Variants in P3H2 observed in about 807,000 individuals in gnomAD.
The protein encoded by P3H2 is leprecan-like 1.
In P3H2, 80 loss-of-function variants were observed where a neutral mutation model predicts 87.0. The observed-to-expected ratio is 0.92, with a 90% CI of 0.77 to 1.11. The LOEUF (loss-of-function observed/expected upper bound fraction) is 1.11, where lower values mean the gene tolerates loss of function less well. Ranked by LOEUF, P3H2 falls within the 50% of genes least tolerant of loss-of-function variation. The probability of loss-of-function intolerance (pLI) is 0.00; values close to 1 mark genes in which losing one functional copy is unlikely to be tolerated. For missense variants in P3H2, 1,001 were observed against 923.9 expected, an observed-to-expected ratio of 1.08 and a Z score of -1.08; for synonymous variants, 367 against 359.3, an observed-to-expected ratio of 1.02 and a Z score of -0.24.
chr3:189,969,560 T>C, intron 13 of P3H2: 1 of 1,278,276 alleles, frequency 7.8e-7, no homozygotes, highest in Non-Finnish European at 1.1e-6. Flanking sequence ...AGGTTGAATC[T>C]CCTCCCTCAA....
rs115093274 is a variant in P3H2, at chr3:190,046,384, T to C, written c.481-50942A>G. On this transcript the variant is annotated intron_variant, in intron 1 of 14. Transcript: ENST00000319332. ...ATAATCCCTTTATTTCTGTGACCCA[T>C]ACAATATGGTTTCAATTACGTGGAA... is the stretch of plus-strand genomic sequence containing the variant. Among the ~76,000 whole-genome samples the C allele has an allele frequency of 5.5e-3, 842 of 152,284 alleles. 10 individuals are homozygous for C. The highest frequency in any genetic ancestry group is 0.019 in the African/African-American group (794 of 41,550).
chr3:190,118,501 A>T (rs1712382183), intron 1 of P3H2, among the ~76,000 whole-genome samples: 2 of 151,760 alleles, frequency 1.3e-5, no homozygotes, highest in Non-Finnish European at 2.9e-5. Flanking sequence ...CACTTAGAAG[A>T]AATTAGAGTT....
chr3:190,075,114 C>T (rs1037960934), intron 1 of P3H2, among the ~76,000 whole-genome samples: 8 of 152,180 alleles, frequency 5.3e-5, no homozygotes, highest in Admixed American at 2.0e-4. Flanking sequence ...GACAGAGATC[C>T]TGTTCTCAAG....
intron 1 of P3H2, among the ~76,000 whole-genome samples, chr3:190,087,471 G>A (rs1334851544): frequency 4.7e-5 from 7 of 147,768 alleles, no homozygotes; most frequent in African/African-American, 1.8e-4. Context: ...GTGAACCTGG[G>A]AGGCGGAGCT....
At chr3:190,107,471 A>C (rs1340851084) in intron 1 of P3H2, among the ~76,000 whole-genome samples, 1 of 152,176 alleles carries the variant, frequency 6.6e-6, no homozygotes, top group Non-Finnish European at 1.5e-5. Context: ...TATCCCTCAT[A>C]AATGACTTTC....
intron 1 of P3H2, among the ~76,000 whole-genome samples, chr3:190,023,018 G>A (rs1218005068): frequency 6.7e-6 from 1 of 148,620 alleles, no homozygotes; most frequent in East Asian, 1.9e-4. Flanking sequence ...AGTAGAGACG[G>A]TGTTTCACCG....
intron 1 of P3H2, among the ~76,000 whole-genome samples, chr3:189,997,843 G>A (rs1336168958): frequency 6.6e-6 from 1 of 152,162 alleles, no homozygotes; most frequent in Non-Finnish European, 1.5e-5. Flanking sequence ...AATATGAATT[G>A]TATGCATCTA....
In P3H2 at chr3:189,966,123, A is replaced by AAAAGAAAGAAAG. The variant is rs34608513; in HGVS notation, c.1894-2037_1894-2026dup. 7.1e-3 allele frequency among the ~76,000 whole-genome samples: 724 copies of AAAAGAAAGAAAG among 102,212 alleles called. 9 individuals are homozygous for AAAAGAAAGAAAG. Among genetic ancestry groups the AAAAGAAAGAAAG allele is most frequent in the Middle Eastern group, 0.013 (3 of 226 alleles). The allele number at this position is 102,212 out of a possible 152,430, so 67.1% of individuals were successfully genotyped here. On this transcript the variant is annotated intron_variant, in intron 13 of 14. Coordinates refer to ENST00000319332, the MANE Select transcript of P3H2 (RefSeq NM_018192.4). Reference sequence around the variant, plus strand: ...GAAAGAAAAAAGAAAGAAAGAAAGAAAAAGAAAGAAAGAAAGAAAGAAAGA... The same window carrying AAAAGAAAGAAAG: ...GAAAGAAAAAAGAAAGAAAGAAAGAAAAAGAAAGAAAGAAAGAAAGAAAGAAAGAAAGAAAGA...
chr3:190,090,110 G>C (rs1304522829), intron 1 of P3H2, among the ~76,000 whole-genome samples: 1 of 152,104 alleles, frequency 6.6e-6, no homozygotes, highest in Non-Finnish European at 1.5e-5. Flanking sequence ...TCCTTCCTCT[G>C]TGCCCCAACA....
At chr3:190,089,229 G>A (rs1325920113) in intron 1 of P3H2, among the ~76,000 whole-genome samples, 4 of 147,316 alleles carry the variant, frequency 2.7e-5, no homozygotes, top group Middle Eastern at 3.4e-3. Flanking sequence ...TGGGGCGGGG[G>A]AAGCGGGGAG....
intron 1 of P3H2, among the ~76,000 whole-genome samples, chr3:190,004,533 C>A (rs1369104070): frequency 1.3e-5 from 2 of 151,934 alleles, no homozygotes; most frequent in East Asian, 1.9e-4. Context: ...CAGGCGCCCG[C>A]CTCCACGCCC....
chr3:190,094,493 A>C (rs565315291), intron 1 of P3H2, among the ~76,000 whole-genome samples: 3 of 152,322 alleles, frequency 2.0e-5, no homozygotes, highest in African/African-American at 7.2e-5. Context: ...TTAGCAGCCA[A>C]GTAAAACAGC....
At chr3:190,040,458 A>G (rs1190274277) in intron 1 of P3H2, among the ~76,000 whole-genome samples, 1 of 152,226 alleles carries the variant, frequency 6.6e-6, no homozygotes, top group Non-Finnish European at 1.5e-5. Context: ...AGACACGAGA[A>G]CACCATCTTT....
In P3H2 at chr3:189,972,988, G is replaced by A. The variant is rs150499475; in HGVS notation, c.1585C>T (p.Arg529Cys). The A allele has an allele frequency of 3.4e-5, 55 of 1,612,692 alleles. No individual in the cohort carries two copies. Among genetic ancestry groups the A allele is most frequent in the South Asian group, 2.2e-4 (20 of 91,036 alleles). ...TTTTCGCTGATGTCATAAAACAGAC[G>A]AGCGCTCTTCAGTGGGACTCGACCT... ...YEGRVPLKSA[R>C]LFYDISEKAR... The change falls in exon 11 of 15, where the codon CGT (arginine) becomes TGT (cysteine). Residue 529 changes from arginine to cysteine, a missense_variant. By Grantham distance (180) the Arg-to-Cys change is radical. Coordinates refer to ENST00000319332, the MANE Select transcript of P3H2 (RefSeq NM_018192.4).
At chr3:190,115,516 A>G (rs1373668038) in intron 1 of P3H2, among the ~76,000 whole-genome samples, 1 of 152,170 alleles carries the variant, frequency 6.6e-6, no homozygotes, top group Non-Finnish European at 1.5e-5. Flanking sequence ...GTTTGTTTAA[A>G]TTCCAGAATT....
At chr3:190,116,381 A>T (rs1050438038) in intron 1 of P3H2, among the ~76,000 whole-genome samples, 1 of 152,194 alleles carries the variant, frequency 6.6e-6, no homozygotes, top group Non-Finnish European at 1.5e-5. Flanking sequence ...AGGCCCCATT[A>T]TTTCCCCATT....
At chr3:190,074,280 T>A (rs6781725) in intron 1 of P3H2, among the ~76,000 whole-genome samples, 3 of 151,680 alleles carry the variant, frequency 2.0e-5, no homozygotes, top group African/African-American at 7.3e-5. Flanking sequence ...GAGGTCGAGG[T>A]GAATGGATCA....
intron 2 of P3H2, 57 bp from the exon 3 acceptor site, chr3:189,994,340 AC>A (rs1723979366): frequency 1.4e-6 from 2 of 1,461,172 alleles, no homozygotes; most frequent in Non-Finnish European, 1.9e-6. Context: ...AAACAAAAAA[AC>A]CCTTATTTTC....
At chr3:190,062,112 T>A (rs981463922) in intron 1 of P3H2, among the ~76,000 whole-genome samples, 1 of 152,146 alleles carries the variant, frequency 6.6e-6, no homozygotes, top group Admixed American at 6.6e-5. Flanking sequence ...TCCTCTAAAA[T>A]TCTCCCCTAG....
Sources: gnomAD v4.1 joint callset for allele counts (sites outside exome capture counted in the v4.1 genomes callset) on GRCh38, gnomAD v4.1.1 for gene constraint, MANE v1.5 for transcripts, NCBI Gene and HGNC (gene_info 2026-07-23, HGNC 2026-07-21) for gene names.